Variants in BYSL observed in about 807,000 individuals in gnomAD.
The protein encoded by BYSL is bystin like.
A neutral mutation model predicts 45.4 loss-of-function variants in BYSL; 21 were observed. The observed-to-expected ratio is 0.46, with a 90% confidence interval of 0.33 to 0.67. BYSL has a LOEUF of 0.67. Ranked by LOEUF, BYSL falls within the 30% of genes least tolerant of loss-of-function variation. The pLI, the probability that BYSL is intolerant of heterozygous loss-of-function variation, is 0.02. For synonymous variants in BYSL, 215 were observed against 231.3 expected (o/e 0.93, Z 0.64); for missense variants, 522 against 578.5 (o/e 0.90, Z 1.00).
At chr6:41,927,851 A>T (rs992077058) in intron 2 of BYSL, among the ~76,000 whole-genome samples, 5 of 152,144 alleles carry the variant, frequency 3.3e-5, no homozygotes, top group African/African-American at 9.7e-5. Context: ...TAGTTTTTTT[A>T]GCGGTAAGCT....
chr6:41,909,922 G>C, the BYSL span, among the ~76,000 whole-genome samples: 1 of 152,038 alleles, frequency 6.6e-6, no homozygotes, highest in African/African-American at 2.4e-5. Flanking sequence ...CAGCATTTGG[G>C]CATGCCAAAG....
chr6:41,916,701 G>C (rs1185987300), upstream of BYSL: 3 of 1,528,638 alleles, frequency 2.0e-6, no homozygotes, highest in African/African-American at 2.7e-5. Context: ...ACCTTTAGCA[G>C]AAAAGCAGAA....
intron 3 of BYSL, 94 bp downstream of exon 3, chr6:41,930,364 T>A: frequency 6.8e-7 from 1 of 1,467,828 alleles, no homozygotes; most frequent in Non-Finnish European, 9.1e-7. Context: ...CATCACATAC[T>A]AAAGAAGTCA....
At chr6:41,923,162 GTC>G (rs368767105) in intron 1 of BYSL, among the ~76,000 whole-genome samples, 11 of 148,818 alleles carry the variant, frequency 7.4e-5, no homozygotes, top group Middle Eastern at 3.5e-3. Context: ...TTGAGACAGA[GTC>G]TCTCTCTCTC....
the BYSL span, among the ~76,000 whole-genome samples, chr6:41,912,199 C>CTTTT: frequency 3.2e-4 from 38 of 119,270 alleles, no homozygotes; most frequent in Middle Eastern, 4.2e-3. Flanking sequence ...CCATGCCCAC[C>CTTTT]TTTTTTTTTT....
upstream of BYSL, chr6:41,921,460 T>C (rs1775464816): frequency 1.4e-6 from 2 of 1,440,928 alleles, no homozygotes; most frequent in Non-Finnish European, 9.2e-7. Context: ...GGCGCTGTGA[T>C]CGCCGGGCGG....
At chr6:41,930,336 T>A in intron 3 of BYSL, 66 bp downstream of exon 3, 1 of 1,562,634 alleles carries the variant, frequency 6.4e-7, no homozygotes, top group Non-Finnish European at 8.7e-7. Context: ...TGCCACAGGC[T>A]TTTTTGCCTT....
chr6:41,920,842 G>A (rs1775443951), upstream of BYSL: 4 of 809,832 alleles, frequency 4.9e-6, no homozygotes, highest in African/African-American at 1.8e-5. Flanking sequence ...GCATCTCTGA[G>A]GAAACAAGCC....
At chr6:41,919,941 G>A (rs1775417009), upstream of BYSL, among the ~76,000 whole-genome samples, 1 of 152,148 alleles carries the variant, frequency 6.6e-6, no homozygotes, top group South Asian at 2.1e-4. Context: ...AGGAGGAAAA[G>A]TATTTCCCCT....
chr6:41,918,686 G>A (rs1775379424), upstream of BYSL, among the ~76,000 whole-genome samples: 2 of 151,780 alleles, frequency 1.3e-5, no homozygotes, highest in Admixed American at 6.6e-5. Flanking sequence ...GGTGGCTCAC[G>A]CCTGTAATCC....
chr6:41,932,454 C>T lies in BYSL; in HGVS notation c.1062C>T (p.Tyr354=), dbSNP rs1468969697. The change falls in exon 7 of 7, where the codon TAC becomes TAT. Residue 354 remains tyrosine (Y), a synonymous_variant. Transcript: ENST00000230340. The surrounding 1 kb of genome is among the most constrained non-coding windows in gnomAD (Gnocchi z 4.7). ...LLLDKKYALP[Y]RVLDALVFHF... is the part of the protein sequence containing the mutation. ...TGGATAAGAAGTATGCACTGCCTTA[C>T]CGGGTGCTGGATGCCCTAGTCTTCC... 1 of 1,614,188 alleles carries T rather than the reference C, an allele frequency of 6.2e-7. No individual in the cohort carries two copies. The highest frequency in any genetic ancestry group is 8.5e-7 in the Non-Finnish European group (1 of 1,180,036).
At chr6:41,909,233 C>T in the BYSL span, 3 of 1,598,650 alleles carry the variant, frequency 1.9e-6, no homozygotes, top group Non-Finnish European at 8.5e-7. Context: ...GCAGCCCCCT[C>T]AGAACATCCT....
chr6:41,924,601 G>C (rs1582071137), intron 1 of BYSL, among the ~76,000 whole-genome samples: 1 of 152,152 alleles, frequency 6.6e-6, no homozygotes, highest in East Asian at 1.9e-4. Flanking sequence ...CTGAATGACT[G>C]GGTTAATCGG....
upstream of BYSL, among the ~76,000 whole-genome samples, chr6:41,919,926 C>A (rs900698588): frequency 7.9e-5 from 12 of 152,126 alleles, no homozygotes; most frequent in Admixed American, 6.5e-4. Context: ...AGAACCTGGG[C>A]TACCAGGAGG....
At chr6:41,915,924 G>A in the BYSL span, among the ~76,000 whole-genome samples, 3 of 152,140 alleles carry the variant, frequency 2.0e-5, no homozygotes, top group Non-Finnish European at 4.4e-5. Context: ...CATTAGATGT[G>A]TACAACTACT....
At chr6:41,916,541 T>C (rs778134153), upstream of BYSL, among the ~76,000 whole-genome samples, 14 of 149,992 alleles carry the variant, frequency 9.3e-5, no homozygotes, top group African/African-American at 1.5e-4. Context: ...GATCGCACCA[T>C]TGCACTCCAG....
At chr6:41,916,757 A>G (rs1311563076), upstream of BYSL, 1 of 1,611,258 alleles carries the variant, frequency 6.2e-7, no homozygotes, top group Non-Finnish European at 8.5e-7. Flanking sequence ...GCCTGGTTCC[A>G]GCCATCCTAC....
At position 41,921,822 on chromosome 6, in the gene BYSL, C is replaced by CGCGGCTGGGTGAGTGTCTGGGAT. The variant is rs773489371; in HGVS notation, c.262_268+16dup. The CGCGGCTGGGTGAGTGTCTGGGAT allele has an allele frequency of 2.5e-6, 4 of 1,610,750 alleles. No individual in the cohort carries two copies. In the East Asian group the frequency reaches 6.7e-5, roughly 27 times the overall value. Reference sequence around the variant, plus strand: ...CCCGCGGCGCCGCGGGAACGCACCACGCGGCTGGGTGAGTGTCTGGGATGA... The same window carrying CGCGGCTGGGTGAGTGTCTGGGAT: ...CCCGCGGCGCCGCGGGAACGCACCACGCGGCTGGGTGAGTGTCTGGGATGCGGCTGGGTGAGTGTCTGGGATGA... On this transcript the variant is annotated frameshift_variant, in exon 1 of 7. Coordinates refer to ENST00000230340, the MANE Select transcript of BYSL (RefSeq NM_004053.4). LOFTEE classifies it high-confidence loss of function.
upstream of BYSL, among the ~76,000 whole-genome samples, chr6:41,918,714 G>A (rs939001421): frequency 2.7e-5 from 4 of 150,608 alleles, no homozygotes; most frequent in African/African-American, 4.9e-5. Flanking sequence ...TTGGGAGGCC[G>A]AGGCGGGTGG....
Sources: gnomAD v4.1 joint callset for allele counts (sites outside exome capture counted in the v4.1 genomes callset) on GRCh38, gnomAD v4.1.1 for gene constraint, Gnocchi (gnomAD v3.1) non-coding constraint, MANE v1.5 for transcripts, NCBI Gene and HGNC (gene_info 2026-07-23, HGNC 2026-07-21) for gene names.